Variants in CTNND2 observed in about 807,000 individuals in gnomAD.
The protein encoded by CTNND2 is catenin delta 2.
CTNND2 carries 22 observed loss-of-function variants against 144.4 expected under a neutral mutation model. That is an observed-to-expected ratio of 0.15 (90% CI 0.11 to 0.22). The LOEUF is 0.22. Among genes scored for constraint, CTNND2 ranks in the 10% least tolerant of loss-of-function variants. CTNND2 has a pLI of 1.00. For missense variants in CTNND2, 1,353 were observed against 1,618.8 expected (o/e 0.84, Z 2.82); for synonymous variants, 751 against 695.6 (o/e 1.08, Z -1.25).
Position 11,412,023 on chromosome 5 carries a change from G to C in CTNND2, c.322+12C>G. On this transcript the variant is annotated intron_variant, in intron 4 of 21. Coordinates refer to ENST00000304623, the MANE Select transcript of CTNND2 (RefSeq NM_001332.4). ...TAGAAGTGTAAGTGTTCATCAATAAGATAGACATTACCTTGTGACTGCCAC... is the reference window on the plus strand; with the variant it reads ...TAGAAGTGTAAGTGTTCATCAATAACATAGACATTACCTTGTGACTGCCAC... The C allele has an allele frequency of 6.2e-7, 1 of 1,605,350 alleles. No individual in the cohort carries two copies. Among genetic ancestry groups the C allele is most frequent in the Middle Eastern group, 1.7e-4 (1 of 6,022 alleles).
intron 16 of CTNND2, among the ~76,000 whole-genome samples, chr5:11,082,163 G>C (rs1398826375): frequency 2.0e-5 from 3 of 152,160 alleles, no homozygotes; most frequent in Non-Finnish European, 4.4e-5. Context: ...CCTAGAACAG[G>C]CCTGGAACAA....
intron 2 of CTNND2, among the ~76,000 whole-genome samples, chr5:11,587,272 C>T (rs1250177171): frequency 6.6e-6 from 1 of 152,028 alleles, no homozygotes; most frequent in South Asian, 2.1e-4. Context: ...TTTCTAAATC[C>T]ATAGCATTGA....
At chr5:11,353,847 C>A (rs1032225093) in intron 8 of CTNND2, among the ~76,000 whole-genome samples, 1 of 151,746 alleles carries the variant, frequency 6.6e-6, no homozygotes, top group Non-Finnish European at 1.5e-5. Context: ...TTGGCTTCTT[C>A]TTCAGAAAGA....
chr5:11,103,063 C>T lies in CTNND2; in HGVS notation c.2464-4315G>A, dbSNP rs190346768. Among the ~76,000 whole-genome samples, 238 of 141,648 alleles carry T rather than the reference C, an allele frequency of 1.7e-3. 2 individuals are homozygous for T. The highest frequency in any genetic ancestry group is 6.0e-3 in the African/African-American group (231 of 38,458). The allele number at this position is 141,648 out of a possible 152,430, so 92.9% of individuals were successfully genotyped here. On this transcript the variant is annotated intron_variant, in intron 14 of 21. Transcript: ENST00000304623. ...GTGGCACAATCTTGGCTCACTGCAA[C>T]CTCTGCCTCCTGGGTTGGAGCAATT...
At chr5:11,584,013 C>T (rs1413616748) in intron 2 of CTNND2, among the ~76,000 whole-genome samples, 4 of 152,244 alleles carry the variant, frequency 2.6e-5, no homozygotes, top group African/African-American at 7.2e-5. Flanking sequence ...AAGTACTCCA[C>T]GATAATGTGG....
At chr5:11,659,199 A>C (rs1218518408) in intron 2 of CTNND2, among the ~76,000 whole-genome samples, 1 of 152,178 alleles carries the variant, frequency 6.6e-6, no homozygotes, top group Non-Finnish European at 1.5e-5. Flanking sequence ...CTATTTTCAT[A>C]GTATTTACAT....
chr5:11,737,504 G>A (rs772967120), intron 1 of CTNND2, among the ~76,000 whole-genome samples: 2 of 152,128 alleles, frequency 1.3e-5, no homozygotes, highest in Non-Finnish European at 2.9e-5. Flanking sequence ...CCTAAATTTC[G>A]GGTGGGTTCT....
At chr5:11,322,683 T>C (rs1752152177) in intron 9 of CTNND2, among the ~76,000 whole-genome samples, 1 of 152,188 alleles carries the variant, frequency 6.6e-6, no homozygotes, top group African/African-American at 2.4e-5. Context: ...CTATTACAAG[T>C]GAGATACTAT....
At chr5:11,108,474 TATTTACTGTTAA>T (rs1447747956) in intron 14 of CTNND2, among the ~76,000 whole-genome samples, 4 of 152,168 alleles carry the variant, frequency 2.6e-5, no homozygotes, top group Non-Finnish European at 5.9e-5. Flanking sequence ...AGAGCAAAAA[TATTTACTGTTAA>T]ATTGACTACA....
chr5:11,525,275 C>T (rs994874385), intron 3 of CTNND2, among the ~76,000 whole-genome samples: 4 of 152,134 alleles, frequency 2.6e-5, no homozygotes, highest in African/African-American at 9.7e-5. Flanking sequence ...TAACAGGAAA[C>T]CGCCTCTTTG....
At chr5:11,066,744 A>G (rs1395409464) in intron 16 of CTNND2, among the ~76,000 whole-genome samples, 5 of 152,130 alleles carry the variant, frequency 3.3e-5, no homozygotes, top group African/African-American at 2.4e-5. Flanking sequence ...ACTCAGTGAG[A>G]GTGAAATACA....
At chr5:11,701,084 C>A (rs1785411479) in intron 2 of CTNND2, among the ~76,000 whole-genome samples, 1 of 152,172 alleles carries the variant, frequency 6.6e-6, no homozygotes, top group Non-Finnish European at 1.5e-5. Context: ...ACATAAATGT[C>A]TTTTATGACG....
chr5:11,145,955 T>G (rs1320984243), intron 12 of CTNND2, among the ~76,000 whole-genome samples: 1 of 152,186 alleles, frequency 6.6e-6, no homozygotes, highest in Non-Finnish European at 1.5e-5. Context: ...AGCATCTCTC[T>G]GCGCCTTCAC....
chr5:11,167,990 G>A (rs1580472698), intron 11 of CTNND2, among the ~76,000 whole-genome samples: 1 of 151,996 alleles, frequency 6.6e-6, no homozygotes, highest in Non-Finnish European at 1.5e-5. Flanking sequence ...ACAGGCAGGA[G>A]CCACTATGCC....
At chr5:11,727,148 G>C (rs183058771) in intron 2 of CTNND2, among the ~76,000 whole-genome samples, 4 of 152,096 alleles carry the variant, frequency 2.6e-5, no homozygotes, top group East Asian at 1.9e-4. Context: ...TGATGCACAG[G>C]GTTAACAAGT....
At position 10,973,317 on chromosome 5, in the gene CTNND2, C is replaced by A; in HGVS notation, c.*136G>T. The A allele has an allele frequency of 1.1e-6, 1 of 905,496 alleles. No homozygotes were observed. 56.1% of individuals were successfully genotyped at this position (905,496 alleles called of 1,614,324 possible). A position where few individuals can be genotyped will look rare whatever the true frequency, so the allele number is the denominator to read the frequency against. ...TTTCTAAAATAGCTCTTAATATTTC[C>A]TTACTGGTTATCACAGCCTTCCTAT... On this transcript the variant is annotated 3_prime_UTR_variant, in exon 22 of 22. Transcript: ENST00000304623. The surrounding 1 kb of genome is among the most constrained non-coding windows in gnomAD (Gnocchi z 5.6).
rs61751819 is a variant in CTNND2, at chr5:11,188,463, T to C, written c.1975+10985A>G. Among the ~76,000 whole-genome samples the C allele has an allele frequency of 5.4e-3, 813 of 151,810 alleles. 21 individuals are homozygous for C. The highest frequency in any genetic ancestry group is 4.3e-3 in the East Asian group (22 of 5,154). ...ACCCACACTGGGGCCAGTCAGGGAGTTGGGTGAGGGAGAGCATCAGGAAAA... is the reference window on the plus strand; with the variant it reads ...ACCCACACTGGGGCCAGTCAGGGAGCTGGGTGAGGGAGAGCATCAGGAAAA... On this transcript the variant is annotated intron_variant, in intron 11 of 21. Transcript: ENST00000304623.
chr5:11,565,185 T>C lies in CTNND2; in HGVS notation c.175-129A>G. Reference sequence around the variant, plus strand: ...GATGTCAAATTTGAGAAATGTGCAATAAAACTAGGATTCGAAGGTTAGACA... The same window carrying C: ...GATGTCAAATTTGAGAAATGTGCAACAAAACTAGGATTCGAAGGTTAGACA... On this transcript the variant is annotated intron_variant, in intron 2 of 21. Transcript: ENST00000304623. The C allele has an allele frequency of 4.4e-6, 3 of 689,112 alleles. No homozygotes were observed. The South Asian group carries it at 5.3e-5, about 12-fold the overall frequency. 42.7% of individuals were successfully genotyped at this position (689,112 alleles called of 1,614,324 possible). A position where few individuals can be genotyped will look rare whatever the true frequency, so the allele number is the denominator to read the frequency against.
At chr5:11,877,971 T>C (rs1272423581) in intron 1 of CTNND2, among the ~76,000 whole-genome samples, 1 of 152,110 alleles carries the variant, frequency 6.6e-6, no homozygotes, top group Non-Finnish European at 1.5e-5. Context: ...TCTGAGACTT[T>C]GTATATGGCA....
Sources: gnomAD v4.1 joint callset for allele counts (sites outside exome capture counted in the v4.1 genomes callset) on GRCh38, gnomAD v4.1.1 for gene constraint, Gnocchi (gnomAD v3.1) non-coding constraint, MANE v1.5 for transcripts, NCBI Gene and HGNC (gene_info 2026-07-23, HGNC 2026-07-21) for gene names.